Variants in GRM7 observed in about 807,000 individuals in gnomAD.
GRM7 encodes glutamate metabotropic receptor 7.
A neutral mutation model predicts 84.5 loss-of-function variants in GRM7; 35 were observed. The observed-to-expected ratio is 0.41, with a 90% confidence interval of 0.32 to 0.55. The LOEUF (loss-of-function observed/expected upper bound fraction) is 0.55. Among genes scored for constraint, GRM7 ranks in the 20% least tolerant of loss-of-function variants. The pLI is 0.19. For missense variants in GRM7, 1,003 were observed against 1,194.6 expected, an observed-to-expected ratio of 0.84 and a Z score of 2.36; for synonymous variants, 487 against 455.1, an observed-to-expected ratio of 1.07 and a Z score of -0.89.
At chr3:7,512,742 C>A (rs746207489) in intron 7 of GRM7, among the ~76,000 whole-genome samples, 6 of 152,050 alleles carry the variant, frequency 3.9e-5, no homozygotes, top group Non-Finnish European at 8.8e-5. Context: ...ACATTTTTAT[C>A]CAACCTGGAG....
intron 1 of GRM7, among the ~76,000 whole-genome samples, chr3:6,994,231 A>C (rs1010189984): frequency 7.9e-5 from 12 of 152,176 alleles, no homozygotes; most frequent in Non-Finnish European, 1.8e-4. Context: ...GGATTGTGCA[A>C]TTATGTAAAT....
chr3:7,583,441 C>T (rs1271115491), intron 8 of GRM7, among the ~76,000 whole-genome samples: 5 of 152,198 alleles, frequency 3.3e-5, no homozygotes, highest in African/African-American at 4.8e-5. Flanking sequence ...TTATGACACA[C>T]TTCCTCTGTA....
intron 1 of GRM7, among the ~76,000 whole-genome samples, chr3:7,096,124 C>G (rs1318622891): frequency 6.6e-6 from 1 of 152,020 alleles, no homozygotes; most frequent in Non-Finnish European, 1.5e-5. Context: ...ATATTCTGCT[C>G]TCCCCTATCC....
At chr3:7,014,610 C>T (rs1238180076) in intron 1 of GRM7, among the ~76,000 whole-genome samples, 1 of 152,172 alleles carries the variant, frequency 6.6e-6, no homozygotes, top group Non-Finnish European at 1.5e-5. Flanking sequence ...GCCACCACAC[C>T]TGGCCATAAT....
chr3:7,537,994 G>T (rs888161734), intron 7 of GRM7, among the ~76,000 whole-genome samples: 23 of 152,176 alleles, frequency 1.5e-4, no homozygotes, highest in African/African-American at 5.5e-4. Context: ...TGGAAGGAAT[G>T]CTCTCAGCAG....
chr3:7,250,495 TTATTTA>T (rs1438907890), intron 2 of GRM7, among the ~76,000 whole-genome samples: 2 of 150,652 alleles, frequency 1.3e-5, no homozygotes. Context: ...ATTTTTATTT[TTATTTA>T]TATTTGTTTA....
chr3:7,635,946 G>T (rs967466572), intron 8 of GRM7, among the ~76,000 whole-genome samples: 1 of 152,182 alleles, frequency 6.6e-6, no homozygotes, highest in African/African-American at 2.4e-5. Context: ...AAAGAACTGA[G>T]ATTACAGGTG....
At chr3:7,081,907 A>G (rs924525542) in intron 1 of GRM7, among the ~76,000 whole-genome samples, 5 of 152,100 alleles carry the variant, frequency 3.3e-5, no homozygotes, top group Admixed American at 1.3e-4. Flanking sequence ...AAAGGCTGAA[A>G]GAAGTGAGAG....
At chr3:7,658,382 G>C (rs184483626) in intron 8 of GRM7, among the ~76,000 whole-genome samples, 2 of 152,324 alleles carry the variant, frequency 1.3e-5, no homozygotes, top group Admixed American at 1.3e-4. Flanking sequence ...TTGGGAAAAT[G>C]AAAATTGGTT....
At chr3:6,911,841 G>C (rs930767473) in intron 1 of GRM7, among the ~76,000 whole-genome samples, 1 of 152,104 alleles carries the variant, frequency 6.6e-6, no homozygotes, top group Admixed American at 6.6e-5. Context: ...GATTAATTTA[G>C]GCTTAGTGGA....
chr3:7,445,097 G>A (rs750690103), intron 5 of GRM7, among the ~76,000 whole-genome samples: 2 of 152,128 alleles, frequency 1.3e-5, no homozygotes, highest in Non-Finnish European at 2.9e-5. Context: ...GGGAAGTCAA[G>A]CAAGAATACA....
At chr3:7,088,990 G>A (rs1559431844) in intron 1 of GRM7, among the ~76,000 whole-genome samples, 1 of 152,054 alleles carries the variant, frequency 6.6e-6, no homozygotes, top group African/African-American at 2.4e-5. Flanking sequence ...GAAGAGAAAA[G>A]CCCAGTTTCT....
chr3:7,688,813 A>C (rs1700683790), intron 9 of GRM7, among the ~76,000 whole-genome samples: 1 of 152,204 alleles, frequency 6.6e-6, no homozygotes, highest in African/African-American at 2.4e-5. Context: ...CAGCAAATCA[A>C]ATATTTGCTT....
At chr3:7,321,062 T>C (rs1700761730) in intron 4 of GRM7, among the ~76,000 whole-genome samples, 1 of 151,994 alleles carries the variant, frequency 6.6e-6, no homozygotes, top group South Asian at 2.1e-4. Flanking sequence ...GCCTCACTGC[T>C]ATTGAGTCCC....
At chr3:7,330,125 T>G (rs1701143764) in intron 4 of GRM7, among the ~76,000 whole-genome samples, 1 of 152,162 alleles carries the variant, frequency 6.6e-6, no homozygotes, top group Non-Finnish European at 1.5e-5. Context: ...AGGAATTCTC[T>G]CTAAATGAAC....
chr3:7,421,082 C>T (rs1266680460), intron 5 of GRM7, among the ~76,000 whole-genome samples: 1 of 152,146 alleles, frequency 6.6e-6, no homozygotes, highest in Non-Finnish European at 1.5e-5. Flanking sequence ...TTTAGTGTAA[C>T]ATTAAATCAT....
chr3:7,323,336 G>A (rs553264720), intron 4 of GRM7, among the ~76,000 whole-genome samples: 1 of 152,214 alleles, frequency 6.6e-6, no homozygotes, highest in Admixed American at 6.6e-5. Context: ...GTCTTGACAT[G>A]TCCCAGGCTA....
chr3:6,916,851 A>G (rs1696957843), intron 1 of GRM7, among the ~76,000 whole-genome samples: 1 of 152,022 alleles, frequency 6.6e-6, no homozygotes, highest in South Asian at 2.1e-4. Flanking sequence ...CTCAATCCTG[A>G]TATGTAAGAA....
intron 1 of GRM7, among the ~76,000 whole-genome samples, chr3:7,068,967 T>A (rs1351333936): frequency 6.6e-6 from 1 of 151,796 alleles, no homozygotes; most frequent in Admixed American, 6.6e-5. Context: ...GACTTCAGTT[T>A]GAATTGCAGG....
Sources: allele counts gnomAD v4.1 joint callset (sites outside exome capture counted in the v4.1 genomes callset), GRCh38; gene constraint gnomAD v4.1.1; transcripts MANE v1.5; gene names NCBI Gene and HGNC (gene_info 2026-07-23, HGNC 2026-07-21).